The following SPEN variants were observed in gnomAD, a reference collection of about 807,000 sequenced individuals.
SPEN encodes msx2-interacting protein.
SPEN carries 18 observed loss-of-function variants against 269.9 expected under a neutral mutation model. That is an observed-to-expected ratio of 0.07 (90% confidence interval 0.05 to 0.10). The LOEUF (loss-of-function observed/expected upper bound fraction) is 0.10. Ranked by LOEUF, SPEN falls within the 10% of genes least tolerant of loss-of-function variation. SPEN has a pLI of 1.00. For synonymous variants in SPEN, 1,726 were observed against 1,765.7 expected (o/e 0.98, Z 0.56); for missense variants, 3,822 against 4,631.2 (o/e 0.83, Z 5.07).
chr1:15,907,538 A>G (rs2070971810), intron 3 of SPEN, among the ~76,000 whole-genome samples: 1 of 152,142 alleles, frequency 6.6e-6, no homozygotes, highest in Non-Finnish European at 1.5e-5. Context: ...ATTTGTCTGA[A>G]TGGATTAGTG....
rs191023142 is a variant in SPEN, at chr1:15,902,639, G to A, written c.882-6682G>A. 1.5e-4 allele frequency among the ~76,000 whole-genome samples: 23 copies of A among 152,154 alleles called. 1 individual carries two copies. The East Asian group carries it at 2.3e-3, about 15-fold the overall frequency. Reference sequence around the variant, plus strand: ...AGCCTGGGCAACAAAGTAAGACCCCGTCTCTACAAAAAATAAAATAAATAA... The same window carrying A: ...AGCCTGGGCAACAAAGTAAGACCCCATCTCTACAAAAAATAAAATAAATAA... On this transcript the variant is annotated intron_variant, in intron 3 of 14. Coordinates refer to ENST00000375759, the MANE Select transcript of SPEN (RefSeq NM_015001.3).
intron 1 of SPEN, among the ~76,000 whole-genome samples, chr1:15,868,523 C>T (rs1381888194): frequency 2.6e-5 from 4 of 151,930 alleles, no homozygotes; most frequent in African/African-American, 7.3e-5. Flanking sequence ...CAAGCTCCGC[C>T]TCCCGGGTTC....
intron 1 of SPEN, among the ~76,000 whole-genome samples, chr1:15,852,182 A>C (rs1312220250): frequency 1.3e-5 from 2 of 152,128 alleles, no homozygotes. Flanking sequence ...TTTTAGACTT[A>C]AACAAATTTG....
At chr1:15,880,642 G>T (rs1049701157) in intron 3 of SPEN, among the ~76,000 whole-genome samples, 30 of 151,678 alleles carry the variant, frequency 2.0e-4, no homozygotes, top group African/African-American at 7.3e-4. Flanking sequence ...TTTTAGTAGA[G>T]ACAGGGGTTT....
In SPEN at chr1:15,934,331, G is replaced by A. The variant is rs1453931492; in HGVS notation, c.8091G>A (p.Val2697=). The A allele has an allele frequency of 1.2e-6, 2 of 1,613,746 alleles. No individual in the cohort carries two copies. Among genetic ancestry groups the A allele is most frequent in the South Asian group, 1.1e-5 (1 of 91,080 alleles). The change falls in exon 11 of 15, where the codon GTG becomes GTA. Residue 2697 remains valine (V), a synonymous_variant. Transcript: ENST00000375759. This position sits in a 1 kb window ranked among gnomAD's most constrained non-coding sequence, Gnocchi z 9.2. ...AGPVNVLKGP[V]NVLTGPVNVL... is the part of the protein sequence containing the mutation. ...CCGTGAACGTCCTGAAAGGGCCTGT[G>A]AATGTTCTTACGGGGCCAGTGAATG...
At position 15,867,551 on chromosome 1, in the gene SPEN, A is replaced by T. The variant is rs550643905; in HGVS notation, c.84-5265A>T. 3.1e-4 allele frequency among the ~76,000 whole-genome samples: 47 copies of T among 151,998 alleles called. 1 individual carries two copies. Among genetic ancestry groups the T allele is most frequent in the Non-Finnish European group, 2.9e-5 (2 of 68,008 alleles). Reference sequence around the variant, plus strand: ...TTGATGGCCATTTAGATTGTTTCTCATTTTTGGCTGTTATGAAAAATGCTG... The same window carrying T: ...TTGATGGCCATTTAGATTGTTTCTCTTTTTTGGCTGTTATGAAAAATGCTG... On this transcript the variant is annotated intron_variant, in intron 1 of 14. Coordinates refer to ENST00000375759, the MANE Select transcript of SPEN (RefSeq NM_015001.3).
At chr1:15,890,378 C>T (rs898490248) in intron 3 of SPEN, among the ~76,000 whole-genome samples, 1 of 151,758 alleles carries the variant, frequency 6.6e-6, no homozygotes, top group African/African-American at 2.4e-5. Flanking sequence ...ATTACAGGCA[C>T]GCACCACCAC....
In SPEN at chr1:15,929,150, A is replaced by G. The variant is rs1432244890; in HGVS notation, c.2910A>G (p.Ala970=). The G allele has an allele frequency of 1.2e-6, 2 of 1,614,100 alleles. No individual in the cohort carries two copies. Among genetic ancestry groups the G allele is most frequent in the East Asian group, 2.2e-5 (1 of 44,902 alleles). Residue 970 remains alanine, a synonymous_variant, in exon 11 of 15, where the codon GCA becomes GCG. Transcript: ENST00000375759. The surrounding 1 kb of genome is among the most constrained non-coding windows in gnomAD (Gnocchi z 5.8). ...AGCACCTCAAGCCTGAGCAGCCTGC[A>G]GATGGGGTAAGTGCTGTGGATCTGG... The part of the protein sequence containing the change: ...ARKHLKPEQP[A]DGVSAVDLEK...
Position 15,937,936 on chromosome 1 carries a change from C to A in SPEN, c.10634C>A (p.Pro3545His). ...HRSLPLSEGGPPLRIAQRMRL... is the reference protein window; with the variant it reads ...HRSLPLSEGGHPLRIAQRMRL... Reference sequence around the variant, plus strand: ...TCCCTGCCCCTTTCTGAAGGAGGGCCCCCACTAAGGATCGCCCAGAGGATG... The same window carrying A: ...TCCCTGCCCCTTTCTGAAGGAGGGCACCCACTAAGGATCGCCCAGAGGATG... Residue 3545 changes from proline to histidine, a missense_variant, in exon 13 of 15, where the codon CCC (proline) becomes CAC (histidine). By Grantham distance (77) the Pro-to-His change is moderately conservative. This residue lies in a region of SPEN where 103 missense variants were observed against 215.8 expected (regional missense o/e 0.48). Transcript: ENST00000375759. This position sits in a 1 kb window ranked among gnomAD's most constrained non-coding sequence, Gnocchi z 5.7. 1 of 1,614,124 alleles carries A rather than the reference C, an allele frequency of 6.2e-7. No individual in the cohort carries two copies. The highest frequency in any genetic ancestry group is 1.1e-5 in the South Asian group (1 of 91,090).
At position 15,938,710 on chromosome 1, in the gene SPEN, T is replaced by C; in HGVS notation, c.10705-8T>C. The stretch of plus-strand genomic sequence containing the variant: ...CCCCTGCTCACTGGCAGCTGGCCTC[T>C]GCCTCAGGTGGAGACAGATTACTGT... On this transcript the variant is annotated splice_polypyrimidine_tract_variant and splice_region_variant and intron_variant, in intron 13 of 14. Coordinates refer to ENST00000375759, the MANE Select transcript of SPEN (RefSeq NM_015001.3). The C allele has an allele frequency of 1.9e-6, 3 of 1,610,412 alleles. No homozygotes were observed. Among genetic ancestry groups the C allele is most frequent in the South Asian group, 2.2e-5 (2 of 90,870 alleles).
intron 9 of SPEN, among the ~76,000 whole-genome samples, chr1:15,921,198 G>T (rs1054952933): frequency 6.6e-6 from 1 of 152,124 alleles, no homozygotes; most frequent in Non-Finnish European, 1.5e-5. Context: ...GCTTGGTGGC[G>T]CGTGCCTGTT....
intron 1 of SPEN, among the ~76,000 whole-genome samples, chr1:15,869,921 C>T (rs926800771): frequency 6.6e-6 from 1 of 151,622 alleles, no homozygotes; most frequent in Non-Finnish European, 1.5e-5. Context: ...GGCTGGAGTG[C>T]AGTGGCGTGG....
chr1:15,848,337 G>C lies in SPEN; in HGVS notation c.83+187G>C, dbSNP rs2070295807. On this transcript the variant is annotated intron_variant, in intron 1 of 14. Transcript: ENST00000375759. This position sits in a 1 kb window ranked among gnomAD's most constrained non-coding sequence, Gnocchi z 5.1. ...GTTGGGCCTCGGGTGTCGGCGGTGC[G>C]GGCGGCCAAGCCGCGCCGCCTTCGA... Among the ~76,000 whole-genome samples, 1 of 151,136 alleles carries C rather than the reference G, an allele frequency of 6.6e-6. No individual in the cohort carries two copies. Among genetic ancestry groups the C allele is most frequent in the African/African-American group, 2.4e-5 (1 of 41,306 alleles).
chr1:15,900,430 T>G (rs1366975826), intron 3 of SPEN, among the ~76,000 whole-genome samples: 1 of 152,230 alleles, frequency 6.6e-6, no homozygotes, highest in Non-Finnish European at 1.5e-5. Flanking sequence ...TTTTACTTAC[T>G]ACTTGTTTAA....
intron 5 of SPEN, among the ~76,000 whole-genome samples, chr1:15,914,880 G>A (rs897994144): frequency 1.3e-5 from 2 of 152,100 alleles, no homozygotes; most frequent in African/African-American, 4.8e-5. Context: ...TGTCACTGGG[G>A]ACCATGCAAT....
rs749550885 is a variant in SPEN at position 15,929,737 on chromosome 1, C to T, written c.3497C>T (p.Thr1166Met). ...EEKIGIDIDH[T>M]QSYRKQMEQS... is the part of the protein sequence containing the mutation. Reference sequence around the variant, plus strand: ...AAAATTGGCATTGACATCGATCACACGCAGAGTTACCGAAAACAAATGGAA... The same window carrying T: ...AAAATTGGCATTGACATCGATCACATGCAGAGTTACCGAAAACAAATGGAA... The change falls in exon 11 of 15, where the codon ACG (threonine) becomes ATG (methionine). Residue 1166 changes from threonine to methionine, a missense_variant. Coordinates refer to ENST00000375759, the MANE Select transcript of SPEN (RefSeq NM_015001.3). The surrounding 1 kb of genome is among the most constrained non-coding windows in gnomAD (Gnocchi z 5.8). 9.9e-6 allele frequency: 16 copies of T among 1,613,922 alleles called. No homozygotes were observed. The highest frequency in any genetic ancestry group is 1.4e-5 in the Non-Finnish European group (16 of 1,180,004).
chr1:15,901,331 A>AAT (rs1553177731), intron 3 of SPEN, among the ~76,000 whole-genome samples: 5 of 151,422 alleles, frequency 3.3e-5, no homozygotes, highest in African/African-American at 9.7e-5. Flanking sequence ...AAAAAATAAA[A>AAT]AAATAAAAAA....
chr1:15,920,039 C>T (rs1263607709), intron 8 of SPEN, among the ~76,000 whole-genome samples: 2 of 151,182 alleles, frequency 1.3e-5, no homozygotes. Flanking sequence ...ATATTGTATA[C>T]CCTTGACAAT....
rs1023199493 is a variant in SPEN at position 15,893,054 on chromosome 1, C to T, written c.882-16267C>T. The stretch of plus-strand genomic sequence containing the variant: ...TGGAGGTTGCAGTGAGCTGAGATTG[C>T]GCCATTGCACTCCAGCCTGGGCAAC... On this transcript the variant is annotated intron_variant, in intron 3 of 14. Coordinates refer to ENST00000375759, the MANE Select transcript of SPEN (RefSeq NM_015001.3). Among the ~76,000 whole-genome samples the T allele has an allele frequency of 5.3e-5, 8 of 152,230 alleles. No individual in the cohort carries two copies. The East Asian group carries it at 9.6e-4, about 18-fold the overall frequency.
Sources: allele counts gnomAD v4.1 joint callset (sites outside exome capture counted in the v4.1 genomes callset), GRCh38; gene constraint gnomAD v4.1.1; regional missense constraint gnomAD v4.1.1; non-coding constraint Gnocchi (gnomAD v3.1); transcripts MANE v1.5; gene names NCBI Gene and HGNC (gene_info 2026-07-23, HGNC 2026-07-21).